PROSER1: variants seen among roughly 807,000 people sequenced by gnomAD.
The protein encoded by PROSER1 is proline and serine-rich protein 1.
PROSER1 carries 36 observed loss-of-function variants against 71.8 expected under a neutral mutation model. The observed-to-expected ratio is 0.50, with a 90% CI of 0.38 to 0.66. The LOEUF is 0.66. PROSER1 is among the 30% of genes least tolerant of loss of function. PROSER1 has a pLI of 0.00. For synonymous variants in PROSER1, 490 were observed against 452.4 expected (o/e 1.08, Z -1.06); for missense variants, 1,107 against 1,135.0 (o/e 0.98, Z 0.35).
intron 6 of PROSER1, among the ~76,000 whole-genome samples, chr13:39,024,913 C>T (rs917666940): frequency 3.3e-5 from 5 of 152,170 alleles, no homozygotes; most frequent in Non-Finnish European, 7.3e-5. Flanking sequence ...ATAGTATTTG[C>T]ATATAACCTG....
intron 12 of PROSER1, among the ~76,000 whole-genome samples, 154 bp downstream of exon 12, chr13:39,011,929 T>A (rs1869678834): frequency 6.6e-6 from 1 of 152,198 alleles, no homozygotes; most frequent in South Asian, 2.1e-4. Flanking sequence ...ATTTGCAAAT[T>A]TGGAGAGAAG....
intron 10 of PROSER1, among the ~76,000 whole-genome samples, chr13:39,015,439 T>C (rs374175265): frequency 6.6e-6 from 1 of 152,200 alleles, no homozygotes; most frequent in East Asian, 1.9e-4. Context: ...GTTTCAGTTG[T>C]AGAGAATGTT....
At chr13:39,012,590 A>C in intron 11 of PROSER1, 101 bp downstream of exon 11, 2 of 1,010,342 alleles carry the variant, frequency 2.0e-6, no homozygotes, top group Non-Finnish European at 1.4e-6. Context: ...CCAGAAAAAC[A>C]TCATTTAGAT....
intron 9 of PROSER1, among the ~76,000 whole-genome samples, chr13:39,021,546 A>G (rs1870290599): frequency 6.6e-6 from 1 of 152,208 alleles, no homozygotes; most frequent in African/African-American, 2.4e-5. Context: ...GGCACCCCCT[A>G]TCACAATACA....
chr13:39,016,538 A>C (rs771111788), intron 10 of PROSER1, among the ~76,000 whole-genome samples: 3 of 152,246 alleles, frequency 2.0e-5, no homozygotes, highest in Non-Finnish European at 4.4e-5. Flanking sequence ...TAGGAAAACA[A>C]TATGCTATTC....
At chr13:39,028,627 T>C (rs1396807092) in intron 4 of PROSER1, among the ~76,000 whole-genome samples, 2 of 152,270 alleles carry the variant, frequency 1.3e-5, no homozygotes, top group East Asian at 3.9e-4. Context: ...AACCAACCCA[T>C]GTGTTAAATG....
chr13:39,028,302 C>A lies in PROSER1; in HGVS notation c.294G>T (p.Gln98His). The part of the protein sequence containing the change: ...ELLASNIIDA[Q>H]NSRPIEDLFR... Reference sequence around the variant, plus strand: ...ATAAATCTTCAATAGGACGAGAATTCTGTGCATCAATAATGTTCCTACCAA... The same window carrying A: ...ATAAATCTTCAATAGGACGAGAATTATGTGCATCAATAATGTTCCTACCAA... The change falls in exon 5 of 13, where the codon CAG becomes CAT. Residue 98 changes from glutamine to histidine, a missense_variant. Physicochemically the swap from Gln to His is conservative, Grantham distance 24 (BLOSUM62 0). Transcript: ENST00000352251. 6.3e-7 allele frequency: 1 copy of A among 1,593,622 alleles called. No individual in the cohort carries two copies.
rs781610567 is a variant in PROSER1 at position 39,023,165 on chromosome 13, AAATC to A, written c.565-39_565-36del. On this transcript the variant is annotated intron_variant, in intron 7 of 12. Transcript: ENST00000352251. ...GGGGGAAAATACAGCAGTTAGAAGA[AAATC>A]AAGTAAGCTGTCTCCTGGCAACTTG... 9 of 1,518,812 alleles carry A rather than the reference AAATC, an allele frequency of 5.9e-6. No individual in the cohort carries two copies. The African/African-American group carries it at 1.1e-4, about 19-fold the overall frequency. The allele number at this position is 1,518,812 out of a possible 1,614,324, so 94.1% of individuals were successfully genotyped here. A position where few individuals can be genotyped will look rare whatever the true frequency, so the allele number is the denominator to read the frequency against.
At chr13:39,029,111 T>C (rs908146115) in intron 4 of PROSER1, 170 bp downstream of exon 4, 9 of 450,252 alleles carry the variant, frequency 2.0e-5, no homozygotes, top group Admixed American at 4.3e-5. Context: ...GTTATAGTCA[T>C]ATATGTAATA....
In PROSER1 at chr13:39,011,494, G is replaced by A; in HGVS notation, c.2713-7C>T. ...GAGCCGAAGCTGAATGGACCTGATG[G>A]AAAGAAGAGCGTGTGGTTTAGCAGA... is the stretch of plus-strand genomic sequence containing the variant. On this transcript the variant is annotated splice_polypyrimidine_tract_variant and splice_region_variant and intron_variant, in intron 12 of 12. Transcript: ENST00000352251. The A allele has an allele frequency of 6.2e-7, 1 of 1,613,482 alleles. No individual in the cohort carries two copies.
intron 3 of PROSER1, among the ~76,000 whole-genome samples, chr13:39,029,735 T>G (rs1258519554): frequency 6.6e-6 from 1 of 152,106 alleles, no homozygotes; most frequent in African/African-American, 2.4e-5. Flanking sequence ...GTTCAAAGGT[T>G]AGAAAAACAT....
chr13:39,011,465 T>C lies in PROSER1; in HGVS notation c.2735A>G (p.Glu912Gly). 1 of 1,614,044 alleles carries C rather than the reference T, an allele frequency of 6.2e-7. No individual in the cohort carries two copies. Among genetic ancestry groups the C allele is most frequent in the Non-Finnish European group, 8.5e-7 (1 of 1,179,982 alleles). ...CCCATCAGGCTGAGCTGGATAGCTTTCCAGAGCCGAAGCTGAATGGACCTG... is the reference window on the plus strand; with the variant it reads ...CCCATCAGGCTGAGCTGGATAGCTTCCCAGAGCCGAAGCTGAATGGACCTG... ...LQQVHSASAL[E>G]SYPAQPDGFP... Residue 912 changes from glutamate (E) to glycine (G), a missense_variant, in exon 13 of 13, where the codon GAA (glutamate) becomes GGA (glycine). Glu to Gly is a moderately conservative substitution (Grantham distance 98). Coordinates refer to ENST00000352251, the MANE Select transcript of PROSER1 (RefSeq NM_025138.5).
intron 2 of PROSER1, among the ~76,000 whole-genome samples, chr13:39,031,892 A>G (rs1259241345): frequency 3.3e-5 from 5 of 152,250 alleles, no homozygotes; most frequent in Non-Finnish European, 5.9e-5. Flanking sequence ...TGTGAGGCTG[A>G]TAACTACAAT....
In PROSER1 at chr13:39,037,819, C is replaced by T. The variant is rs1032017703; in HGVS notation, c.-577G>A. On this transcript the variant is annotated 5_prime_UTR_variant, in exon 1 of 13. Coordinates refer to ENST00000352251, the MANE Select transcript of PROSER1 (RefSeq NM_025138.5). Reference sequence around the variant, plus strand: ...AGCCGCTCCGCCCGACTCCTGGATACCTCGGCCCCGGCAGCAGGCGGCCCG... The same window carrying T: ...AGCCGCTCCGCCCGACTCCTGGATATCTCGGCCCCGGCAGCAGGCGGCCCG... 6.6e-6 allele frequency: 1 copy of T among 152,326 alleles called. No homozygotes were observed. The highest frequency in any genetic ancestry group is 1.5e-5 in the Non-Finnish European group (1 of 68,138). The allele number at this position is 152,326 out of a possible 1,614,324, so 9.4% of individuals were successfully genotyped here.
In PROSER1 at chr13:39,011,478, C is replaced by G. The variant is rs773078069; in HGVS notation, c.2722G>C (p.Ala908Pro). ...GCTGGATAGCTTTCCAGAGCCGAAG[C>G]TGAATGGACCTGATGGAAAGAAGAG... ...QSALLQQVHS[A>P]SALESYPAQP... The change falls in exon 13 of 13, where the codon GCT becomes CCT. Residue 908 changes from alanine (A) to proline (P), a missense_variant. Physicochemically the swap from Ala to Pro is conservative, Grantham distance 27 (BLOSUM62 -1). Transcript: ENST00000352251. 3.1e-6 allele frequency: 5 copies of G among 1,613,786 alleles called. No homozygotes were observed. In the Admixed American group the frequency reaches 8.3e-5, roughly 27 times the overall value.
Position 39,011,280 on chromosome 13 carries a change from G to T in PROSER1, c.*85C>A. The T allele has an allele frequency of 1.7e-5, 24 of 1,399,360 alleles. No individual in the cohort carries two copies. The highest frequency in any genetic ancestry group is 2.4e-5 in the Non-Finnish European group (24 of 1,016,638). 86.7% of individuals were successfully genotyped at this position (1,399,360 alleles called of 1,614,324 possible). A position where few individuals can be genotyped will look rare whatever the true frequency, so the allele number is the denominator to read the frequency against. On this transcript the variant is annotated 3_prime_UTR_variant, in exon 13 of 13. Coordinates refer to ENST00000352251, the MANE Select transcript of PROSER1 (RefSeq NM_025138.5). Reference sequence around the variant, plus strand: ...CCTCATTCTCATTTTCCGACTTTTGGCCAGCTTCACATTTGTCAGATTGTT... The same window carrying T: ...CCTCATTCTCATTTTCCGACTTTTGTCCAGCTTCACATTTGTCAGATTGTT...
chr13:39,022,365 G>C lies in PROSER1; in HGVS notation c.691C>G (p.Pro231Ala). 2 of 1,612,872 alleles carry C rather than the reference G, an allele frequency of 1.2e-6. No homozygotes were observed. Among genetic ancestry groups the C allele is most frequent in the East Asian group, 2.2e-5 (1 of 44,846 alleles). The change falls in exon 9 of 13, where the codon CCA becomes GCA. Residue 231 changes from proline (P) to alanine (A), a missense_variant. Pro to Ala is a conservative substitution (Grantham distance 27, BLOSUM62 -1). Coordinates refer to ENST00000352251, the MANE Select transcript of PROSER1 (RefSeq NM_025138.5). ...TTAGGAGTATATGGAGGTGGAGGTG[G>C]AGCTATGACATTCGCTAATGGTACC... ...GLVPLANVIA[P>A]PPPPYTPNPV...
intron 9 of PROSER1, 53 bp from the exon 10 acceptor site, chr13:39,017,597 CCAT>C: frequency 2.2e-6 from 2 of 917,566 alleles, no homozygotes; most frequent in South Asian, 1.6e-5. Context: ...ATATTTGCCA[CCAT>C]AATAAACAGA....
intron 6 of PROSER1, among the ~76,000 whole-genome samples, chr13:39,025,156 G>C (rs557385112): frequency 6.6e-6 from 1 of 152,106 alleles, no homozygotes; most frequent in Non-Finnish European, 1.5e-5. Flanking sequence ...TGTTACAGTT[G>C]AAAGTAGATA....
Sources: gnomAD v4.1 joint callset for allele counts (sites outside exome capture counted in the v4.1 genomes callset) on GRCh38, gnomAD v4.1.1 for gene constraint, MANE v1.5 for transcripts, NCBI Gene and HGNC (gene_info 2026-07-23, HGNC 2026-07-21) for gene names.